Variants in ALG9 observed in about 807,000 individuals in gnomAD.
ALG9 encodes the protein ALG9 alpha-1,2-mannosyltransferase.
In ALG9, 55 loss-of-function variants were observed where a neutral mutation model predicts 81.8. The observed-to-expected ratio is 0.67, with a 90% CI of 0.54 to 0.84. The LOEUF (loss-of-function observed/expected upper bound fraction) is 0.84, where lower values mean the gene tolerates loss of function less well. ALG9 is among the 40% of genes least tolerant of loss of function. The pLI is 0.00. For missense variants in ALG9, 629 were observed against 745.0 expected (o/e 0.84, Z 1.81); for synonymous variants, 278 against 274.3 (o/e 1.01, Z -0.13).
intron 14 of ALG9, among the ~76,000 whole-genome samples, chr11:111,793,556 GCA>G: frequency 6.6e-6 from 1 of 152,122 alleles, no homozygotes; most frequent in African/African-American, 2.4e-5. Context: ...GGTCAGGAGA[GCA>G]AGACCATCCT....
chr11:111,779,047 C>T (rs533858070), downstream of ALG9, among the ~76,000 whole-genome samples: 1 of 152,244 alleles, frequency 6.6e-6, no homozygotes, highest in African/African-American at 2.4e-5. Flanking sequence ...CTCCCGACCT[C>T]AGGTGATCCG....
intron 8 of ALG9, among the ~76,000 whole-genome samples, chr11:111,848,129 C>G (rs1957194119): frequency 6.6e-6 from 1 of 152,160 alleles, no homozygotes; most frequent in Non-Finnish European, 1.5e-5. Context: ...ACCATCTCAA[C>G]CTCAGTTTCT....
chr11:111,781,145 T>C (rs376328201), downstream of ALG9, among the ~76,000 whole-genome samples: 8 of 152,338 alleles, frequency 5.3e-5, no homozygotes, highest in African/African-American at 1.9e-4. Context: ...AAAAGCATCC[T>C]TTCTTCAAAC....
chr11:111,842,892 G>GT (rs1176862539), intron 9 of ALG9, among the ~76,000 whole-genome samples: 14 of 151,984 alleles, frequency 9.2e-5, no homozygotes, highest in Admixed American at 3.9e-4. Flanking sequence ...TTAATATCCT[G>GT]TTTTTTTACT....
At chr11:111,863,027 A>G (rs1282268620) in intron 4 of ALG9, among the ~76,000 whole-genome samples, 1 of 152,066 alleles carries the variant, frequency 6.6e-6, no homozygotes, top group Non-Finnish European at 1.5e-5. Context: ...CCATTTCTCT[A>G]GAGAAATTTT....
In ALG9 at chr11:111,786,037, G is replaced by C; in HGVS notation, c.*360C>G. On this transcript the variant is annotated 3_prime_UTR_variant, in exon 15 of 15. Coordinates refer to ENST00000616540, the MANE Select transcript of ALG9 (RefSeq NM_024740.2). ...AGAGTGTGGAGAACAGCTTATCACA[G>C]CCATCCAGTACCAGGATTTTCAATT... 1 of 458,170 alleles carries C rather than the reference G, an allele frequency of 2.2e-6. No homozygotes were observed. 28.4% of individuals were successfully genotyped at this position (458,170 alleles called of 1,614,324 possible). A position where few individuals can be genotyped will look rare whatever the true frequency, so the allele number is the denominator to read the frequency against.
chr11:111,835,819 T>C (rs188802739), intron 13 of ALG9, among the ~76,000 whole-genome samples: 4 of 152,274 alleles, frequency 2.6e-5, no homozygotes, highest in African/African-American at 9.6e-5. Flanking sequence ...AGCGGAATCA[T>C]GGCCTACTGC....
Position 111,785,843 on chromosome 11 carries a change from G to A in ALG9, c.*554C>T, listed in dbSNP as rs1946403521. ...TCCTAGTCCTGTGAAGTGCTTTAAA[G>A]AAGCTTAGTCTTGCTGGAGGTGAAA... On this transcript the variant is annotated 3_prime_UTR_variant, in exon 15 of 15. Coordinates refer to ENST00000616540, the MANE Select transcript of ALG9 (RefSeq NM_024740.2). The A allele has an allele frequency of 2.8e-6, 1 of 357,548 alleles. No homozygotes were observed. Among genetic ancestry groups the A allele is most frequent in the Non-Finnish European group, 5.5e-6 (1 of 182,486 alleles). The allele number at this position is 357,548 out of a possible 1,614,324, so 22.1% of individuals were successfully genotyped here.
Position 111,821,036 on chromosome 11 carries a change from C to T in ALG9, c.1603-11263G>A, listed in dbSNP as rs537651794. On this transcript the variant is annotated intron_variant, in intron 13 of 14. Coordinates refer to ENST00000616540, the MANE Select transcript of ALG9 (RefSeq NM_024740.2). Reference sequence around the variant, plus strand: ...GCTTGATATCAGGAATTTGAAACTGCAGTGAGCTATGATTGCACAATTGCA... The same window carrying T: ...GCTTGATATCAGGAATTTGAAACTGTAGTGAGCTATGATTGCACAATTGCA... Among the ~76,000 whole-genome samples the T allele has an allele frequency of 2.4e-4, 36 of 152,096 alleles. 1 individual carries two copies. The South Asian group carries it at 7.3e-3, about 31-fold the overall frequency.
At chr11:111,868,760 T>G (rs1555155772) in intron 2 of ALG9, 24 bp from the exon 3 acceptor site, 1 of 1,589,806 alleles carries the variant, frequency 6.3e-7, no homozygotes, top group African/African-American at 1.3e-5. Context: ...ACAGATAGAT[T>G]CAGGGTTATA....
chr11:111,841,101 C>T lies in ALG9; in HGVS notation c.1019-292G>A, dbSNP rs545170336. Among the ~76,000 whole-genome samples, 36 of 152,196 alleles carry T rather than the reference C, an allele frequency of 2.4e-4. No homozygotes were observed. The South Asian group carries it at 7.5e-3, about 32-fold the overall frequency. Reference sequence around the variant, plus strand: ...GGCTAATAGAACTTAATAAATTCTACGTTAGATGAAGGAAAAATAAGCCGT... The same window carrying T: ...GGCTAATAGAACTTAATAAATTCTATGTTAGATGAAGGAAAAATAAGCCGT... On this transcript the variant is annotated intron_variant, in intron 9 of 14. Transcript: ENST00000616540.
intron 8 of ALG9, among the ~76,000 whole-genome samples, chr11:111,849,031 T>G (rs1460449469): frequency 6.6e-6 from 1 of 151,110 alleles, no homozygotes; most frequent in Non-Finnish European, 1.5e-5. Context: ...AAGCAATTTA[T>G]TCAATGTTTC....
rs563928568 is a variant in ALG9, at chr11:111,800,428, C to T, written c.1733+9215G>A. 2.0e-5 allele frequency among the ~76,000 whole-genome samples: 3 copies of T among 152,160 alleles called. No homozygotes were observed. The South Asian group carries it at 6.2e-4, about 32-fold the overall frequency. On this transcript the variant is annotated intron_variant, in intron 14 of 14. Transcript: ENST00000616540. ...CCCAGGAGGCAGAGGTTGCAGTGAG[C>T]CAAGGTCATGCCACTGCACTCCAGC...
At position 111,860,439 on chromosome 11, in the gene ALG9, C is replaced by A; in HGVS notation, c.565+108G>T. 3.2e-6 allele frequency: 3 copies of A among 932,044 alleles called. No individual in the cohort carries two copies. In the East Asian group the frequency reaches 7.2e-5, roughly 22 times the overall value. 57.7% of individuals were successfully genotyped at this position (932,044 alleles called of 1,614,324 possible). A position where few individuals can be genotyped will look rare whatever the true frequency, so the allele number is the denominator to read the frequency against. On this transcript the variant is annotated intron_variant, in intron 5 of 14. Transcript: ENST00000616540. The stretch of plus-strand genomic sequence containing the variant: ...AATATAACCTACATTTGGACAAATG[C>A]TTCCTTTAAATGCAACTGTGAACTA...
At chr11:111,834,779 C>T (rs1480921057) in intron 13 of ALG9, among the ~76,000 whole-genome samples, 4 of 152,184 alleles carry the variant, frequency 2.6e-5, no homozygotes, top group Non-Finnish European at 4.4e-5. Context: ...TAGAATGATG[C>T]CCTGCACTCA....
chr11:111,804,037 G>A (rs1949545663), intron 14 of ALG9, among the ~76,000 whole-genome samples: 1 of 151,596 alleles, frequency 6.6e-6, no homozygotes. Context: ...GGAGGCTGAG[G>A]CAGCAGAATC....
chr11:111,768,314 A>G, the ALG9 span, among the ~76,000 whole-genome samples: 2 of 152,194 alleles, frequency 1.3e-5, no homozygotes, highest in Non-Finnish European at 2.9e-5. Flanking sequence ...TTAAATTACT[A>G]TAATATTTTT....
intron 14 of ALG9, among the ~76,000 whole-genome samples, chr11:111,800,260 C>T (rs1948902822): frequency 6.6e-6 from 1 of 152,022 alleles, no homozygotes; most frequent in Non-Finnish European, 1.5e-5. Context: ...GCAGGCGGAT[C>T]ATGAGGTCAG....
chr11:111,855,779 ACAG>A (rs1958567256), intron 6 of ALG9, among the ~76,000 whole-genome samples: 1 of 152,240 alleles, frequency 6.6e-6, no homozygotes, highest in African/African-American at 2.4e-5. Flanking sequence ...AGCAGAAAGT[ACAG>A]AAGAGGACCT....
Sources: gnomAD v4.1 joint callset for allele counts (sites outside exome capture counted in the v4.1 genomes callset) on GRCh38, gnomAD v4.1.1 for gene constraint, MANE v1.5 for transcripts, NCBI Gene and HGNC (gene_info 2026-07-23, HGNC 2026-07-21) for gene names.